Variants in CFAP61 observed in about 807,000 individuals in gnomAD.
The protein encoded by CFAP61 is cilia- and flagella-associated protein 61.
In CFAP61, 107 loss-of-function variants were observed where a neutral mutation model predicts 135.6. That is an observed-to-expected ratio of 0.79 (90% confidence interval 0.67 to 0.93). The LOEUF (loss-of-function observed/expected upper bound fraction) is 0.93. Ranked by LOEUF, CFAP61 falls within the 40% of genes least tolerant of loss-of-function variation. The pLI, the probability that CFAP61 is intolerant of heterozygous loss-of-function variation, is 0.00. For missense variants in CFAP61, 1,507 were observed against 1,556.2 expected, an observed-to-expected ratio of 0.97 and a Z score of 0.53; for synonymous variants, 575 against 578.5, an observed-to-expected ratio of 0.99 and a Z score of 0.09.
intron 9 of CFAP61, among the ~76,000 whole-genome samples, chr20:20,144,233 T>C (rs1269861659): frequency 6.6e-6 from 1 of 152,146 alleles, no homozygotes; most frequent in African/African-American, 2.4e-5. Flanking sequence ...AAACTGGTAA[T>C]ATATTATGCA....
At chr20:20,297,800 G>T (rs1319803168) in intron 24 of CFAP61, among the ~76,000 whole-genome samples, 1 of 152,140 alleles carries the variant, frequency 6.6e-6, no homozygotes, top group Non-Finnish European at 1.5e-5. Flanking sequence ...TTGACTAGGA[G>T]GTTTTTCTCA....
At chr20:20,133,368 G>T (rs970635937) in intron 8 of CFAP61, among the ~76,000 whole-genome samples, 1 of 152,182 alleles carries the variant, frequency 6.6e-6, no homozygotes, top group Non-Finnish European at 1.5e-5. Context: ...TGGCTCTGTT[G>T]CATGTCCCTC....
intron 8 of CFAP61, among the ~76,000 whole-genome samples, chr20:20,110,030 C>T (rs1439230444): frequency 6.6e-6 from 1 of 152,008 alleles, no homozygotes; most frequent in East Asian, 1.9e-4. Context: ...TCTCAGCCTC[C>T]CTAGTAGCTG....
intron 11 of CFAP61, 72 bp from the exon 12 acceptor site, chr20:20,166,325 A>C: frequency 1.5e-6 from 2 of 1,294,818 alleles, no homozygotes; most frequent in South Asian, 2.4e-5. Context: ...GGGAGCTGTA[A>C]ATCTCTGTAA....
At chr20:20,291,257 C>A (rs533314075) in intron 24 of CFAP61, among the ~76,000 whole-genome samples, 1 of 152,320 alleles carries the variant, frequency 6.6e-6, no homozygotes, top group African/African-American at 2.4e-5. Context: ...ACATATCCAC[C>A]ATTACAGGAT....
intron 18 of CFAP61, among the ~76,000 whole-genome samples, chr20:20,238,320 A>T (rs1194679666): frequency 6.6e-6 from 1 of 152,254 alleles, no homozygotes; most frequent in African/African-American, 2.4e-5. Context: ...TTTTTTAACT[A>T]GTAGAATATG....
In CFAP61 at chr20:20,159,568, C is replaced by T. The variant is rs994330515; in HGVS notation, c.1026+124C>T. ...CCCTGCCTGTCTCCACCAGTTCACACCTACCACCTCCTTTAGGACTTGCTG... is the reference window on the plus strand; with the variant it reads ...CCCTGCCTGTCTCCACCAGTTCACATCTACCACCTCCTTTAGGACTTGCTG... On this transcript the variant is annotated intron_variant, in intron 10 of 26. Transcript: ENST00000245957. The T allele has an allele frequency of 3.0e-5, 22 of 744,452 alleles. 1 individual carries two copies. Among genetic ancestry groups the T allele is most frequent in the South Asian group, 2.8e-4 (18 of 63,222 alleles). The allele number at this position is 744,452 out of a possible 1,614,324, so 46.1% of individuals were successfully genotyped here. A position where few individuals can be genotyped will look rare whatever the true frequency, so the allele number is the denominator to read the frequency against.
intron 2 of CFAP61, among the ~76,000 whole-genome samples, chr20:20,058,250 A>G (rs1250035099): frequency 1.3e-5 from 2 of 152,212 alleles, no homozygotes; most frequent in African/African-American, 2.4e-5. Context: ...TAGATATACC[A>G]ATGAAATGAT....
intron 26 of CFAP61, among the ~76,000 whole-genome samples, chr20:20,357,968 T>C (rs867831374): frequency 1.3e-3 from 38 of 30,112 alleles, no homozygotes; most frequent in East Asian, 2.8e-3. Context: ...GAGGTGGTCA[T>C]AGTGTGAGGG....
chr20:20,330,064 A>G (rs1208862299), intron 25 of CFAP61, among the ~76,000 whole-genome samples: 1 of 152,200 alleles, frequency 6.6e-6, no homozygotes, highest in Non-Finnish European at 1.5e-5. Context: ...TCACCTTTCT[A>G]TCTAGACCAG....
At chr20:20,336,319 T>G (rs951320887) in intron 25 of CFAP61, among the ~76,000 whole-genome samples, 2 of 152,194 alleles carry the variant, frequency 1.3e-5, no homozygotes, top group Non-Finnish European at 2.9e-5. Context: ...AGTAATTATT[T>G]CAGTTTTTTT....
chr20:20,230,844 C>T (rs1028208886), intron 18 of CFAP61, among the ~76,000 whole-genome samples: 10 of 152,190 alleles, frequency 6.6e-5, no homozygotes, highest in Non-Finnish European at 1.5e-4. Context: ...GCAGGGGCCA[C>T]AGCGCCCTGC....
At chr20:20,295,232 T>C (rs913137984) in intron 24 of CFAP61, among the ~76,000 whole-genome samples, 1 of 152,076 alleles carries the variant, frequency 6.6e-6, no homozygotes, top group Non-Finnish European at 1.5e-5. Flanking sequence ...AAGAAGTCCT[T>C]GTAAGCTGAA....
In CFAP61 at chr20:20,107,571, G is replaced by A. The variant is rs1232130558; in HGVS notation, c.859+8757G>A. The A allele has an allele frequency of 2.0e-5, 3 of 152,136 alleles. No homozygotes were observed. The South Asian group carries it at 6.2e-4, about 32-fold the overall frequency. The allele number at this position is 152,136 out of a possible 1,614,324, so 9.4% of individuals were successfully genotyped here. A position where few individuals can be genotyped will look rare whatever the true frequency, so the allele number is the denominator to read the frequency against. On this transcript the variant is annotated intron_variant, in intron 8 of 26. Transcript: ENST00000245957. ...AGTGGAGATATATATAGGAGTATAT[G>A]TATAATATATGTGTGTATATATGTA...
At chr20:20,299,613 T>G (rs2055914885) in intron 25 of CFAP61, among the ~76,000 whole-genome samples, 1 of 152,222 alleles carries the variant, frequency 6.6e-6, no homozygotes, top group African/African-American at 2.4e-5. Flanking sequence ...AATAATATAT[T>G]AATTTGCCTT....
At chr20:20,256,605 C>CTA (rs1488280640) in intron 20 of CFAP61, among the ~76,000 whole-genome samples, 1 of 152,118 alleles carries the variant, frequency 6.6e-6, no homozygotes, top group East Asian at 1.9e-4. Context: ...AGAACTGCTG[C>CTA]TAAACAGTTA....
At chr20:20,337,354 G>GTGGATGGA (rs1299070093) in intron 25 of CFAP61, among the ~76,000 whole-genome samples, 1 of 5,072 alleles carries the variant, frequency 2.0e-4, no homozygotes, top group African/African-American at 4.1e-4. Flanking sequence ...GGGTGGGTGG[G>GTGGATGGA]TGGATGGATG....
At chr20:20,204,751 G>A (rs1226695126) in intron 17 of CFAP61, among the ~76,000 whole-genome samples, 2 of 152,114 alleles carry the variant, frequency 1.3e-5, no homozygotes, top group Non-Finnish European at 2.9e-5. Context: ...TAAAAAGGCA[G>A]ACCTGTATTT....
intron 17 of CFAP61, among the ~76,000 whole-genome samples, chr20:20,204,283 C>T (rs2056764357): frequency 6.6e-6 from 1 of 152,112 alleles, no homozygotes; most frequent in African/African-American, 2.4e-5. Flanking sequence ...CTAATGAATT[C>T]TTTGGAGGCC....
Sources: gnomAD v4.1 joint callset for allele counts (sites outside exome capture counted in the v4.1 genomes callset) on GRCh38, gnomAD v4.1.1 for gene constraint, MANE v1.5 for transcripts, NCBI Gene and HGNC (gene_info 2026-07-23, HGNC 2026-07-21) for gene names.